The following ZNF469 variants were observed in gnomAD, a reference collection of about 807,000 sequenced individuals.
ZNF469 encodes zinc finger protein 469.
ZNF469 carries 1 observed loss-of-function variant against 1.0 expected under a neutral mutation model. The observed-to-expected ratio is 1.00, with a 90% CI of 0.35 to 4.73. The LOEUF is 4.73. ZNF469 is among the 30% of genes most tolerant of loss of function. ZNF469 has a pLI of 0.16. For synonymous variants in ZNF469, 2,703 were observed against 2,363.4 expected (o/e 1.14, Z -4.17); for missense variants, 6,100 against 5,356.3 (o/e 1.14, Z -4.33).
At chr16:88,146,243 T>G in the ZNF469 span, among the ~76,000 whole-genome samples, 1 of 152,210 alleles carries the variant, frequency 6.6e-6, no homozygotes, top group East Asian at 1.9e-4. Context: ...GCCTGGCACG[T>G]GGCAGGTGCT....
chr16:88,380,476 CACAT>C (rs553077107), upstream of ZNF469, among the ~76,000 whole-genome samples: 380 of 149,144 alleles, frequency 2.5e-3, 1 homozygote, highest in African/African-American at 9.1e-3. Context: ...CATGCACTCA[CACAT>C]ACGTGCACAC....
the ZNF469 span, among the ~76,000 whole-genome samples, chr16:88,222,045 C>G: frequency 5.9e-5 from 9 of 152,100 alleles, no homozygotes; most frequent in Admixed American, 5.9e-4. Flanking sequence ...TTCAACCCCC[C>G]TCATCACACT....
the ZNF469 span, among the ~76,000 whole-genome samples, chr16:88,208,201 A>G: frequency 1.3e-5 from 2 of 151,766 alleles, no homozygotes; most frequent in Admixed American, 6.6e-5. Flanking sequence ...CTTCAAGCCA[A>G]TTCCTGTGTC....
chr16:88,298,662 G>T, the ZNF469 span, among the ~76,000 whole-genome samples: 5 of 152,196 alleles, frequency 3.3e-5, no homozygotes, highest in African/African-American at 1.2e-4. Context: ...TTGGCCCTGG[G>T]ACACGGAGGG....
the ZNF469 span, among the ~76,000 whole-genome samples, chr16:88,137,681 A>T: frequency 3.3e-5 from 5 of 152,272 alleles, no homozygotes; most frequent in Non-Finnish European, 5.9e-5. Flanking sequence ...CTGTGTGTGT[A>T]TAACTATGCT....
At chr16:88,262,472 A>C in the ZNF469 span, among the ~76,000 whole-genome samples, 1 of 152,172 alleles carries the variant, frequency 6.6e-6, no homozygotes, top group Non-Finnish European at 1.5e-5. The surrounding 1 kb of genome is among the most constrained non-coding windows in gnomAD (Gnocchi z 4.3). Flanking sequence ...TTTGCAGGTC[A>C]CGGATGGCTG....
intron 1 of ZNF469, among the ~76,000 whole-genome samples, chr16:88,403,312 G>A (rs1213796751): frequency 6.6e-6 from 1 of 152,244 alleles, no homozygotes; most frequent in Non-Finnish European, 1.5e-5. Context: ...TTGTAACATA[G>A]TGTTATTAAT....
chr16:88,423,130 GGATA>G (rs1397843352), intron 1 of ZNF469, among the ~76,000 whole-genome samples: 4 of 11,726 alleles, frequency 3.4e-4, no homozygotes, highest in Non-Finnish European at 1.3e-3. Context: ...ATGGATGGAT[GGATA>G]GATGGATGGA....
the ZNF469 span, among the ~76,000 whole-genome samples, chr16:88,204,914 T>A: frequency 6.6e-6 from 1 of 152,192 alleles, no homozygotes; most frequent in East Asian, 1.9e-4. Context: ...CCTCCAGGCA[T>A]CTAGGAAGTC....
At chr16:88,386,480 C>T (rs1308849140) in intron 1 of ZNF469, among the ~76,000 whole-genome samples, 2 of 152,156 alleles carry the variant, frequency 1.3e-5, no homozygotes, top group Non-Finnish European at 2.9e-5. Flanking sequence ...CTCACGCATC[C>T]TGCATCCCAC....
At position 88,428,322 on chromosome 16, in the gene ZNF469, C is replaced by G. The variant is rs1305156513; in HGVS notation, c.852C>G (p.Ser284Arg). Residue 284 changes from serine to arginine, a missense_variant, in exon 3 of 3, where the codon AGC (serine) becomes AGG (arginine). By Grantham distance (110) the Ser-to-Arg change is moderately radical (BLOSUM62 -1). Coordinates refer to ENST00000565624, the MANE Select transcript of ZNF469 (RefSeq NM_001367624.2). ...QFPFPALHGA[S>R]TKPFPADVAG... ...CCTTCCCGGCACTGCATGGGGCCAG[C>G]ACAAAACCCTTCCCTGCGGATGTGG... 5.2e-6 allele frequency: 8 copies of G among 1,550,172 alleles called. No homozygotes were observed. Among genetic ancestry groups the G allele is most frequent in the Non-Finnish European group, 7.0e-6 (8 of 1,146,934 alleles).
At chr16:88,149,214 G>A in the ZNF469 span, among the ~76,000 whole-genome samples, 1 of 152,274 alleles carries the variant, frequency 6.6e-6, no homozygotes, top group East Asian at 1.9e-4. Flanking sequence ...CAGCAGCCAG[G>A]CCCGCTTCTT....
the ZNF469 span, among the ~76,000 whole-genome samples, chr16:88,345,823 C>T: frequency 1.3e-5 from 2 of 152,154 alleles, no homozygotes; most frequent in Non-Finnish European, 1.5e-5. Context: ...CTTGCCAGCC[C>T]GCCCGCCAGG....
the ZNF469 span, among the ~76,000 whole-genome samples, chr16:88,321,709 A>G: frequency 6.6e-6 from 1 of 151,844 alleles, no homozygotes; most frequent in South Asian, 2.1e-4. Context: ...TCTGCATGTA[A>G]GACCTCATCT....
chr16:88,376,229 A>G, the ZNF469 span, among the ~76,000 whole-genome samples: 1 of 152,250 alleles, frequency 6.6e-6, no homozygotes, highest in Non-Finnish European at 1.5e-5. Context: ...CCTTTCTCGC[A>G]GGCTCTGGAT....
the ZNF469 span, among the ~76,000 whole-genome samples, chr16:88,236,475 C>T: frequency 6.6e-6 from 1 of 152,340 alleles, no homozygotes; most frequent in African/African-American, 2.4e-5. Context: ...CGTGTCCGAC[C>T]CCCACTTCCC....
the ZNF469 span, among the ~76,000 whole-genome samples, chr16:88,235,365 C>A: frequency 6.6e-6 from 1 of 152,206 alleles, no homozygotes; most frequent in African/African-American, 2.4e-5. Flanking sequence ...AGGCTCTCTC[C>A]TTTGAGTGGC....
At chr16:88,256,081 A>G in the ZNF469 span, among the ~76,000 whole-genome samples, 1 of 152,244 alleles carries the variant, frequency 6.6e-6, no homozygotes, top group Non-Finnish European at 1.5e-5. Context: ...TCTGTCATAC[A>G]TCAGGGTTCA....
chr16:88,365,689 G>T, the ZNF469 span, among the ~76,000 whole-genome samples: 1 of 152,202 alleles, frequency 6.6e-6, no homozygotes, highest in Non-Finnish European at 1.5e-5. Context: ...ACCAGGAGCG[G>T]GTCCACTCCA....
Sources: gnomAD v4.1 joint callset for allele counts (sites outside exome capture counted in the v4.1 genomes callset) on GRCh38, gnomAD v4.1.1 for gene constraint, Gnocchi (gnomAD v3.1) non-coding constraint, MANE v1.5 for transcripts, NCBI Gene and HGNC (gene_info 2026-07-23, HGNC 2026-07-21) for gene names.